ALDH1A1: variants seen among roughly 807,000 people sequenced by gnomAD.
ALDH1A1 encodes aldehyde dehydrogenase 1A1.
A neutral mutation model predicts 62.1 loss-of-function variants in ALDH1A1; 19 were observed. That is an observed-to-expected ratio of 0.31 (90% confidence interval 0.21 to 0.45). The LOEUF is 0.45. Ranked by LOEUF, ALDH1A1 falls within the 20% of genes least tolerant of loss-of-function variation. The pLI is 1.00. For synonymous variants in ALDH1A1, 231 were observed against 215.9 expected (o/e 1.07, Z -0.61); for missense variants, 521 against 607.1 (o/e 0.86, Z 1.49).
intron 7 of ALDH1A1, among the ~76,000 whole-genome samples, chr9:72,923,154 A>G (rs1830163445): frequency 6.6e-6 from 1 of 152,238 alleles, no homozygotes. Context: ...CCATTTGGAC[A>G]TCATCATTCC....
chr9:72,920,269 C>G (rs1384563273), intron 7 of ALDH1A1, among the ~76,000 whole-genome samples: 1 of 152,026 alleles, frequency 6.6e-6, no homozygotes, highest in African/African-American at 2.4e-5. Flanking sequence ...CTAAATCAAA[C>G]CCCTAAAAGA....
chr9:72,901,205 T>C lies in ALDH1A1; in HGVS notation c.*3A>G, dbSNP rs1354914960. 6.3e-7 allele frequency: 1 copy of C among 1,598,250 alleles called. No homozygotes were observed. The highest frequency in any genetic ancestry group is 1.7e-5 in the Admixed American group (1 of 59,930). On this transcript the variant is annotated 3_prime_UTR_variant, in exon 13 of 13. Transcript: ENST00000297785. Reference sequence around the variant, plus strand: ...AGAGCTTCTCTCCACTCTTGTATTTTCTTTATGAGTTCTTCTGAGAGATTT... The same window carrying C: ...AGAGCTTCTCTCCACTCTTGTATTTCCTTTATGAGTTCTTCTGAGAGATTT...
chr9:72,904,938 G>T (rs1227248455), intron 12 of ALDH1A1, among the ~76,000 whole-genome samples: 1 of 152,116 alleles, frequency 6.6e-6, no homozygotes, highest in Admixed American at 6.5e-5. Context: ...CTTACACATA[G>T]CAAGTGCTTA....
intron 7 of ALDH1A1, among the ~76,000 whole-genome samples, chr9:72,921,503 C>CTTTTT (rs11327072): frequency 9.1e-6 from 1 of 109,506 alleles, no homozygotes; most frequent in African/African-American, 3.5e-5. Context: ...ACATTTAATT[C>CTTTTT]TTTTTTTTTT....
At chr9:72,931,973 A>G (rs1830286740) in intron 2 of ALDH1A1, among the ~76,000 whole-genome samples, 1 of 152,172 alleles carries the variant, frequency 6.6e-6, no homozygotes, top group Non-Finnish European at 1.5e-5. Context: ...TCTACACCAG[A>G]TATATTCTCT....
At chr9:72,928,830 C>T in intron 4 of ALDH1A1, 62 bp downstream of exon 4, 1 of 1,433,640 alleles carries the variant, frequency 7.0e-7, no homozygotes, top group Non-Finnish European at 9.2e-7. Flanking sequence ...TGAAATTATT[C>T]AGCTCTATAG....
intron 12 of ALDH1A1, among the ~76,000 whole-genome samples, chr9:72,901,840 T>C (rs543144332): frequency 1.3e-5 from 2 of 152,206 alleles, no homozygotes; most frequent in Admixed American, 1.3e-4. Context: ...TAGAAATTGA[T>C]CATGGTTTCA....
chr9:72,932,030 C>T (rs944974502), intron 2 of ALDH1A1, among the ~76,000 whole-genome samples: 1 of 152,182 alleles, frequency 6.6e-6, no homozygotes. Flanking sequence ...CCTGACCACT[C>T]CACTCCCCTG....
intron 7 of ALDH1A1, among the ~76,000 whole-genome samples, chr9:72,920,538 T>G (rs894049593): frequency 5.3e-5 from 8 of 152,328 alleles, no homozygotes; most frequent in African/African-American, 1.9e-4. Context: ...AGATAACTTT[T>G]GCCTTGGAGA....
chr9:72,916,777 G>A, intron 9 of ALDH1A1, 143 bp downstream of exon 9: 1 of 558,936 alleles, frequency 1.8e-6, no homozygotes, highest in Non-Finnish European at 2.8e-6. Flanking sequence ...GAGTTAGATT[G>A]CTTTTAAACA....
chr9:72,929,136 G>A, intron 3 of ALDH1A1, 115 bp from the exon 4 acceptor site: 1 of 1,163,596 alleles, frequency 8.6e-7, no homozygotes, highest in Admixed American at 2.4e-5. Flanking sequence ...AAGAAATCTT[G>A]TCATCTTGTC....
chr9:72,934,684 C>G (rs1010119098), intron 2 of ALDH1A1, among the ~76,000 whole-genome samples: 1 of 152,294 alleles, frequency 6.6e-6, no homozygotes, highest in South Asian at 2.1e-4. Flanking sequence ...CCTTGCCAGA[C>G]TAGTCCAGCT....
chr9:72,905,911 C>A, intron 12 of ALDH1A1, 47 bp downstream of exon 12: 1 of 1,440,774 alleles, frequency 6.9e-7, no homozygotes, highest in Non-Finnish European at 9.5e-7. Flanking sequence ...GAATGAAAAT[C>A]ATTTTCATAA....
chr9:72,935,257 T>G (rs1830334220), intron 2 of ALDH1A1, among the ~76,000 whole-genome samples: 1 of 152,220 alleles, frequency 6.6e-6, no homozygotes, highest in Non-Finnish European at 1.5e-5. Flanking sequence ...AGGGATATAA[T>G]TTTTTAATTA....
intron 9 of ALDH1A1, among the ~76,000 whole-genome samples, chr9:72,914,828 G>T (rs980030978): frequency 6.6e-6 from 1 of 151,624 alleles, no homozygotes; most frequent in South Asian, 2.1e-4. Context: ...AAAACAAATC[G>T]TTTTGACCAT....
chr9:72,908,506 CGAAAG>C, intron 11 of ALDH1A1, among the ~76,000 whole-genome samples: 1 of 63,052 alleles, frequency 1.6e-5, no homozygotes, highest in Admixed American at 2.0e-4. Context: ...GAGAGAGAGA[CGAAAG>C]AAAGAAAGAA....
chr9:72,929,155 A>C (rs1238527669), intron 3 of ALDH1A1, 134 bp from the exon 4 acceptor site: 1 of 975,774 alleles, frequency 1.0e-6, no homozygotes, highest in East Asian at 2.8e-5. Flanking sequence ...TCTAACCTCC[A>C]CTTTTTAAGA....
At chr9:72,901,349 T>G (rs150838266) in intron 12 of ALDH1A1, 69 bp from the exon 13 acceptor site, 2 of 1,121,744 alleles carry the variant, frequency 1.8e-6, no homozygotes, top group African/African-American at 3.1e-5. Flanking sequence ...GTAGTTCATG[T>G]TTGGTACGAG....
At chr9:72,924,412 C>T (rs1830180111) in intron 6 of ALDH1A1, among the ~76,000 whole-genome samples, 2 of 152,144 alleles carry the variant, frequency 1.3e-5, no homozygotes, top group South Asian at 2.1e-4. Flanking sequence ...TTTCATAATG[C>T]TAACTCAAAA....
Sources: gnomAD v4.1 joint callset for allele counts (sites outside exome capture counted in the v4.1 genomes callset) on GRCh38, gnomAD v4.1.1 for gene constraint, MANE v1.5 for transcripts, NCBI Gene and HGNC (gene_info 2026-07-23, HGNC 2026-07-21) for gene names.